The following OCA2 variants were observed in gnomAD, a reference collection of about 807,000 sequenced individuals.
The protein encoded by OCA2 is OCA2 melanosomal transmembrane protein, also known as P protein.
Under a neutral mutation model 100.2 loss-of-function variants are expected in OCA2, and 77 were observed. That is an observed-to-expected ratio of 0.77 (90% CI 0.64 to 0.93). The LOEUF is 0.93. Ranked by LOEUF, OCA2 falls within the 40% of genes least tolerant of loss-of-function variation. The probability of loss-of-function intolerance (pLI) is 0.00; values close to 1 mark genes in which losing one functional copy is unlikely to be tolerated. For missense variants in OCA2, 1,062 were observed against 1,089.1 expected (o/e 0.98, Z 0.35); for synonymous variants, 432 against 439.2 (o/e 0.98, Z 0.21).
At chr15:27,835,515 G>A (rs2035115406) in intron 23 of OCA2, among the ~76,000 whole-genome samples, 1 of 152,250 alleles carries the variant, frequency 6.6e-6, no homozygotes. Context: ...CAGTGGAATA[G>A]TACCAGCTGC....
intron 2 of OCA2, among the ~76,000 whole-genome samples, chr15:28,073,478 A>C (rs2044328984): frequency 6.6e-6 from 1 of 152,226 alleles, no homozygotes; most frequent in Admixed American, 6.5e-5. Flanking sequence ...CTATAACCCT[A>C]AACAAATTAA....
chr15:28,040,591 T>A (rs1584410), intron 2 of OCA2, among the ~76,000 whole-genome samples: 9,532 of 152,156 alleles, frequency 0.063, 987 homozygotes, highest in African/African-American at 0.22. Context: ...AATTGACAGA[T>A]CTTTAGCTAG....
intron 18 of OCA2, among the ~76,000 whole-genome samples, chr15:27,947,713 G>A (rs938326090): frequency 2.6e-5 from 4 of 152,150 alleles, no homozygotes; most frequent in African/African-American, 9.7e-5. Flanking sequence ...ATTCCTTCTT[G>A]CTCTACTCAA....
intron 9 of OCA2, among the ~76,000 whole-genome samples, chr15:28,003,845 C>T (rs1276473047): frequency 5.9e-5 from 9 of 152,224 alleles, no homozygotes; most frequent in African/African-American, 2.2e-4. Flanking sequence ...AGGGCCACCC[C>T]ACGAACCCGC....
chr15:28,048,831 C>T (rs2141540153), intron 2 of OCA2, among the ~76,000 whole-genome samples: 1 of 152,190 alleles, frequency 6.6e-6, no homozygotes, highest in East Asian at 1.9e-4. Context: ...CATGGTGAAA[C>T]CCTGTCTCTA....
Position 28,016,120 on chromosome 15 carries a change from A to G in OCA2, c.874T>C (p.Phe292Leu), listed in dbSNP as rs745573222. 5.6e-6 allele frequency: 9 copies of G among 1,613,992 alleles called. No homozygotes were observed. The East Asian group carries it at 8.9e-5, about 16-fold the overall frequency. ...AGAACTCACCTGGTCAGTACCTCAAAGGTCCTGCTCATCACTGAGTGCTCG... is the reference window on the plus strand; with the variant it reads ...AGAACTCACCTGGTCAGTACCTCAAGGGTCCTGCTCATCACTGAGTGCTCG... ...RSEHSVMSRT[F>L]EVLTRETVSI... The change falls in exon 8 of 24, where the codon TTT (phenylalanine) becomes CTT (leucine). Residue 292 changes from phenylalanine to leucine, a missense_variant. Phe to Leu is a conservative substitution (Grantham distance 22). Coordinates refer to ENST00000354638, the MANE Select transcript of OCA2 (RefSeq NM_000275.3).
intron 14 of OCA2, among the ~76,000 whole-genome samples, chr15:27,980,848 T>C (rs988475868): frequency 6.6e-6 from 1 of 152,244 alleles, no homozygotes; most frequent in African/African-American, 2.4e-5. Flanking sequence ...TGATGTGTCT[T>C]ACTGTAGTAT....
chr15:28,048,074 A>C (rs995981516), intron 2 of OCA2, among the ~76,000 whole-genome samples: 1 of 152,240 alleles, frequency 6.6e-6, no homozygotes, highest in Non-Finnish European at 1.5e-5. Context: ...GAGGTAAAAG[A>C]CGTGTACACT....
chr15:28,058,242 C>G (rs2043764289), intron 2 of OCA2, among the ~76,000 whole-genome samples: 1 of 152,250 alleles, frequency 6.6e-6, no homozygotes, highest in Non-Finnish European at 1.5e-5. Context: ...AGGGGTGGCT[C>G]TGGGTGCTGG....
At chr15:27,819,541 A>T (rs1171291000) in intron 23 of OCA2, among the ~76,000 whole-genome samples, 1 of 152,256 alleles carries the variant, frequency 6.6e-6, no homozygotes, top group Non-Finnish European at 1.5e-5. Flanking sequence ...CTGGAAGTGA[A>T]TGATTAAGTA....
intron 22 of OCA2, among the ~76,000 whole-genome samples, chr15:27,847,621 G>A (rs2035586703): frequency 1.3e-5 from 2 of 152,322 alleles, no homozygotes; most frequent in Admixed American, 6.5e-5. Context: ...GGAGGTTATG[G>A]GTCAGCCCTG....
intron 18 of OCA2, among the ~76,000 whole-genome samples, chr15:27,927,784 C>CTTTTTTTT (rs34037519): frequency 1.6e-4 from 11 of 69,358 alleles, no homozygotes; most frequent in African/African-American, 3.6e-4. Flanking sequence ...CTTTGAGCAT[C>CTTTTTTTT]TTTTTTTTTT....
At chr15:27,758,724 G>A (rs940460005) in intron 23 of OCA2, among the ~76,000 whole-genome samples, 1 of 152,080 alleles carries the variant, frequency 6.6e-6, no homozygotes, top group Admixed American at 6.5e-5. Context: ...ATAATATAAT[G>A]GAGAGTATAA....
At chr15:27,734,586 C>T in the OCA2 span, among the ~76,000 whole-genome samples, 6 of 152,206 alleles carry the variant, frequency 3.9e-5, no homozygotes, top group African/African-American at 1.4e-4. Context: ...GCTTCCAGAC[C>T]TGTCCAGGTG....
At chr15:27,871,776 C>G in intron 20 of OCA2, 87 bp downstream of exon 20, 1 of 976,910 alleles carries the variant, frequency 1.0e-6, no homozygotes, top group South Asian at 1.3e-5. Context: ...GGGACCTGTT[C>G]TTACCAGAGT....
intron 2 of OCA2, among the ~76,000 whole-genome samples, chr15:28,060,577 C>A (rs2141659492): frequency 6.6e-6 from 1 of 152,294 alleles, no homozygotes; most frequent in South Asian, 2.1e-4. Context: ...ATTCTCTCCT[C>A]CATAGAAGCA....
intron 14 of OCA2, among the ~76,000 whole-genome samples, chr15:27,977,937 G>A (rs780159274): frequency 2.6e-4 from 39 of 152,302 alleles, no homozygotes; most frequent in South Asian, 1.0e-3. Context: ...CTAGCCTCCC[G>A]ACTGTGAGGA....
At chr15:28,054,994 C>A (rs1363826116) in intron 2 of OCA2, among the ~76,000 whole-genome samples, 5 of 152,334 alleles carry the variant, frequency 3.3e-5, no homozygotes, top group East Asian at 3.9e-4. Context: ...GGGGAAACCA[C>A]GCCCGTGATT....
intron 23 of OCA2, among the ~76,000 whole-genome samples, chr15:27,784,881 G>A (rs943896364): frequency 8.5e-5 from 9 of 105,412 alleles, no homozygotes; most frequent in Non-Finnish European, 1.7e-4. Context: ...CTAAGAAGCA[G>A]AAAGAGAGAG....
Sources: allele counts gnomAD v4.1 joint callset (sites outside exome capture counted in the v4.1 genomes callset), GRCh38; gene constraint gnomAD v4.1.1; transcripts MANE v1.5; gene names NCBI Gene and HGNC (gene_info 2026-07-23, HGNC 2026-07-21).